Variants in UBE2D3 observed in about 807,000 individuals in gnomAD.
UBE2D3 encodes the protein ubiquitin conjugating enzyme E2 D3.
Under a neutral mutation model 22.8 loss-of-function variants are expected in UBE2D3, and 2 were observed. The ratio of observed to expected loss-of-function variants is 0.09; its 90% CI spans 0.04 to 0.28. The LOEUF is 0.28. Ranked by LOEUF, UBE2D3 falls within the 10% of genes least tolerant of loss-of-function variation. UBE2D3 has a pLI of 1.00. For missense variants in UBE2D3, 27 were observed against 182.5 expected, an observed-to-expected ratio of 0.15 and a Z score of 4.91; for synonymous variants, 56 against 60.4, an observed-to-expected ratio of 0.93 and a Z score of 0.34.
chr4:102,828,100 G>C (rs1398568906), upstream of UBE2D3: 1 of 985,452 alleles, frequency 1.0e-6, no homozygotes, highest in Non-Finnish European at 1.2e-6. Context: ...GCACCGGCTC[G>C]AACTGGGGCG....
chr4:102,806,735 A>C (rs1477371297), intron 4 of UBE2D3, among the ~76,000 whole-genome samples: 2 of 152,150 alleles, frequency 1.3e-5, no homozygotes, highest in African/African-American at 2.4e-5. Flanking sequence ...AATAAAAAAA[A>C]ATTTAAGCAA....
chr4:102,817,452 G>T (rs568647002), intron 2 of UBE2D3, among the ~76,000 whole-genome samples: 3 of 152,310 alleles, frequency 2.0e-5, no homozygotes, highest in African/African-American at 4.8e-5. Context: ...AGAGGGGAAA[G>T]AAATGATTAC....
chr4:102,827,955 G>A, upstream of UBE2D3: 2 of 985,540 alleles, frequency 2.0e-6, no homozygotes, highest in Middle Eastern at 5.2e-4. Context: ...TGGTATCGAG[G>A]AGACGACTCT....
intron 4 of UBE2D3, chr4:102,809,414 C>G: frequency 2.2e-6 from 1 of 464,456 alleles, no homozygotes; most frequent in Non-Finnish European, 4.0e-6. Context: ...TGTAGAAAAA[C>G]TGAACTGAGA....
intron 5 of UBE2D3, chr4:102,802,149 C>T (rs1370203563): frequency 6.4e-6 from 1 of 156,106 alleles, no homozygotes; most frequent in Non-Finnish European, 1.4e-5. Context: ...AACCAGTGCA[C>T]TAAGCAACTC....
intron 2 of UBE2D3, chr4:102,825,576 A>T (rs1730324110): frequency 5.6e-5 from 67 of 1,200,884 alleles, no homozygotes; most frequent in Non-Finnish European, 6.9e-5. Flanking sequence ...ATGAGACTAA[A>T]CCACCGGAGG....
intron 1 of UBE2D3, among the ~76,000 whole-genome samples, chr4:102,851,574 C>G (rs546977618): frequency 1.9e-4 from 29 of 152,324 alleles, no homozygotes; most frequent in African/African-American, 6.7e-4. Flanking sequence ...CCTATTTACT[C>G]TGTTGTGGCA....
At chr4:102,798,813 C>T in intron 7 of UBE2D3, 2 of 904,302 alleles carry the variant, frequency 2.2e-6, no homozygotes, top group Non-Finnish European at 3.4e-6. Flanking sequence ...GTACAGTTTT[C>T]AGAAGACTGC....
intron 1 of UBE2D3, among the ~76,000 whole-genome samples, chr4:102,855,613 G>A (rs1231950256): frequency 1.3e-5 from 2 of 152,024 alleles, no homozygotes; most frequent in African/African-American, 4.8e-5. Flanking sequence ...TTATAGAGAC[G>A]AGGTCTTGCA....
At chr4:102,824,355 A>G (rs1338997594) in intron 2 of UBE2D3, among the ~76,000 whole-genome samples, 1 of 152,258 alleles carries the variant, frequency 6.6e-6, no homozygotes, top group Admixed American at 6.5e-5. Flanking sequence ...TAGGAGTGTC[A>G]TGTGCCAAGA....
At chr4:102,845,021 CA>C (rs386401015) in intron 1 of UBE2D3, among the ~76,000 whole-genome samples, 1,999 of 93,554 alleles carry the variant, frequency 0.021, 39 homozygotes, top group African/African-American at 0.067. Flanking sequence ...GACTCCATCT[CA>C]AAAAAAAAAA....
chr4:102,794,655 CAAACAAAAAA>C lies in UBE2D3; in HGVS notation c.*2750_*2759del, dbSNP rs1027806282. 4 of 146,894 alleles carry C rather than the reference CAAACAAAAAA, an allele frequency of 2.7e-5. No homozygotes were observed. Among genetic ancestry groups the C allele is most frequent in the South Asian group, 2.1e-4 (1 of 4,692 alleles). The allele number at this position is 146,894 out of a possible 1,614,324, so 9.1% of individuals were successfully genotyped here. Reference sequence around the variant, plus strand: ...GTATACTTCAACTAAGCCATTTCAACAAACAAAAAAAAACAAACAAAAAAAAAAGTGAGTG... The same window carrying C: ...GTATACTTCAACTAAGCCATTTCAACAAACAAACAAAAAAAAAAGTGAGTG... On this transcript the variant is annotated 3_prime_UTR_variant, in exon 8 of 8. Coordinates refer to ENST00000453744, the MANE Select transcript of UBE2D3 (RefSeq NM_181891.3).
intron 4 of UBE2D3, among the ~76,000 whole-genome samples, chr4:102,807,817 A>G (rs1727305211): frequency 6.6e-6 from 1 of 152,162 alleles, no homozygotes. Context: ...TTTCCTTTTG[A>G]TTGTCTATAG....
intron 1 of UBE2D3, chr4:102,868,582 A>C (rs1733291142): frequency 8.8e-7 from 1 of 1,134,450 alleles, no homozygotes; most frequent in African/African-American, 1.5e-5. Flanking sequence ...GTGAAGGAGT[A>C]AAATTAGGCA....
intron 7 of UBE2D3, among the ~76,000 whole-genome samples, chr4:102,798,125 T>C (rs1278158240): frequency 6.6e-6 from 1 of 151,570 alleles, no homozygotes; most frequent in Non-Finnish European, 1.5e-5. Flanking sequence ...AAGGGCATCT[T>C]CGTTTAAAAA....
At chr4:102,846,754 C>G (rs887665647) in intron 1 of UBE2D3, among the ~76,000 whole-genome samples, 1 of 152,100 alleles carries the variant, frequency 6.6e-6, no homozygotes, top group Non-Finnish European at 1.5e-5. Flanking sequence ...ATCCTCCCAC[C>G]TCAACCTTCT....
chr4:102,855,343 A>G lies in UBE2D3; in HGVS notation c.-129+13372T>C, dbSNP rs755451034. 5.3e-5 allele frequency among the ~76,000 whole-genome samples: 8 copies of G among 152,236 alleles called. 1 individual carries two copies. The highest frequency in any genetic ancestry group is 1.0e-4 in the Non-Finnish European group (7 of 68,040). The stretch of plus-strand genomic sequence containing the variant: ...TAGACACCTGAGGAGTATGATCACT[A>G]TCAAACACAACAAATTCTACAACAT... On this transcript the variant is annotated intron_variant, in intron 1 of 7. Transcript: ENST00000338145.
intron 1 of UBE2D3, among the ~76,000 whole-genome samples, chr4:102,852,163 C>T (rs528597830): frequency 6.6e-6 from 1 of 152,280 alleles, no homozygotes; most frequent in Non-Finnish European, 1.5e-5. Context: ...TGTATCATGG[C>T]AGGAGCTGGA....
chr4:102,820,449 G>A (rs1427367153), intron 2 of UBE2D3, among the ~76,000 whole-genome samples: 5 of 152,120 alleles, frequency 3.3e-5, no homozygotes, highest in African/African-American at 1.2e-4. Flanking sequence ...TTTAACAGTA[G>A]GCACTGCACA....
Sources: allele counts gnomAD v4.1 joint callset (sites outside exome capture counted in the v4.1 genomes callset), GRCh38; gene constraint gnomAD v4.1.1; transcripts MANE v1.5; gene names NCBI Gene and HGNC (gene_info 2026-07-23, HGNC 2026-07-21).